DMD: variants seen among roughly 807,000 people sequenced by gnomAD.
DMD encodes mutant dystrophin.
Under a neutral mutation model 330.1 loss-of-function variants are expected in DMD, and 63 were observed. The ratio of observed to expected loss-of-function variants is 0.19; its 90% CI spans 0.16 to 0.24. The LOEUF is 0.24. DMD is among the 10% of genes least tolerant of loss of function. The probability of loss-of-function intolerance (pLI) is 1.00; values close to 1 mark genes in which losing one functional copy is unlikely to be tolerated. For missense variants in DMD, 3,344 were observed against 2,684.1 expected, an observed-to-expected ratio of 1.25 and a Z score of -5.43; for synonymous variants, 1,223 against 959.8, an observed-to-expected ratio of 1.27 and a Z score of -5.07.
intron 41 of DMD, among the ~76,000 whole-genome samples, chrX:32,337,370 G>A (rs1376221920): frequency 2.8e-5 from 3 of 108,108 alleles, no homozygotes; most frequent in East Asian, 5.8e-4. Context: ...TGCTCATTAG[G>A]CATCCAAGAT....
At chrX:31,436,585 G>A (rs2064548214) in intron 60 of DMD, among the ~76,000 whole-genome samples, 1 of 111,649 alleles carries the variant, frequency 9.0e-6, no homozygotes, top group Non-Finnish European at 1.9e-5. Flanking sequence ...GAGCAATTTC[G>A]ATAACAGTCC....
chrX:32,258,787 G>T (rs1226722075), intron 43 of DMD, among the ~76,000 whole-genome samples: 1 of 110,837 alleles, frequency 9.0e-6, no homozygotes, highest in Non-Finnish European at 1.9e-5. Context: ...CGTTCTGCAC[G>T]TGTGTCCCAG....
intron 55 of DMD, among the ~76,000 whole-genome samples, chrX:31,604,798 T>G (rs1484154320): frequency 9.0e-6 from 1 of 111,450 alleles, no homozygotes; most frequent in Non-Finnish European, 1.9e-5. Context: ...ATCATCAAGT[T>G]TGGTTCCTGT....
intron 45 of DMD, among the ~76,000 whole-genome samples, chrX:31,962,194 C>T (rs984582216): frequency 9.9e-5 from 11 of 111,308 alleles, no homozygotes; most frequent in African/African-American, 2.9e-4. Context: ...TATTGAGCTA[C>T]GTAAAACACT....
intron 59 of DMD, among the ~76,000 whole-genome samples, chrX:31,468,969 C>T (rs1053005190): frequency 9.0e-6 from 1 of 110,972 alleles, no homozygotes; most frequent in East Asian, 2.8e-4. Flanking sequence ...TCTGTTTTGT[C>T]TGAGACTAGG....
At chrX:32,716,573 G>C (rs187287023) in intron 7 of DMD, among the ~76,000 whole-genome samples, 57 of 111,309 alleles carry the variant, frequency 5.1e-4, no homozygotes, top group Non-Finnish European at 2.4e-4. Flanking sequence ...GGTACCGAGA[G>C]GTAGGGCACT....
At chrX:32,129,019 C>A (rs2096674809) in intron 44 of DMD, among the ~76,000 whole-genome samples, 1 of 111,530 alleles carries the variant, frequency 9.0e-6, no homozygotes, top group Non-Finnish European at 1.9e-5. Flanking sequence ...AATCTCAGTA[C>A]CTTAGCCAAA....
intron 5 of DMD, among the ~76,000 whole-genome samples, chrX:32,820,292 A>T (rs1470901411): frequency 9.0e-6 from 1 of 110,778 alleles, no homozygotes; most frequent in Non-Finnish European, 1.9e-5. Context: ...AATACAAAAA[A>T]TTAGCCGGGC....
At chrX:32,686,559 CA>C (rs750534167) in intron 9 of DMD, among the ~76,000 whole-genome samples, 92 of 28,573 alleles carry the variant, frequency 3.2e-3, no homozygotes, top group East Asian at 8.0e-3. Flanking sequence ...AACTCCATCT[CA>C]AAAAAAAAAA....
intron 19 of DMD, among the ~76,000 whole-genome samples, chrX:32,494,987 A>G (rs1008641144): frequency 9.0e-6 from 1 of 111,568 alleles, no homozygotes; most frequent in Non-Finnish European, 1.9e-5. Flanking sequence ...ACTAAAATAA[A>G]AATAAAAAGA....
chrX:32,699,404 A>C, intron 7 of DMD, 111 bp from the exon 8 acceptor site: 1 of 641,218 alleles, frequency 1.6e-6, no homozygotes, highest in Non-Finnish European at 2.5e-6. Context: ...TGAACAGTGA[A>C]TTGTCCATGA....
At chrX:32,854,660 A>G (rs1454449220) in intron 2 of DMD, among the ~76,000 whole-genome samples, 2 of 111,150 alleles carry the variant, frequency 1.8e-5, no homozygotes, top group Non-Finnish European at 3.8e-5. Flanking sequence ...GAAGACATGC[A>G]AAACCCGAAC....
At chrX:32,196,268 A>C (rs1216535275) in intron 44 of DMD, among the ~76,000 whole-genome samples, 1 of 112,206 alleles carries the variant, frequency 8.9e-6, no homozygotes, top group Non-Finnish European at 1.9e-5. Context: ...TGGATAATAC[A>C]TTTAAGCTTC....
chrX:31,844,139 G>A (rs765865506), intron 48 of DMD, among the ~76,000 whole-genome samples: 3 of 111,998 alleles, frequency 2.7e-5, no homozygotes, highest in East Asian at 2.8e-4. Context: ...GATTACAGGC[G>A]TGAGCCACCG....
intron 1 of DMD, among the ~76,000 whole-genome samples, chrX:33,208,319 T>A (rs2051698907): frequency 8.9e-6 from 1 of 111,909 alleles, no homozygotes; most frequent in Non-Finnish European, 1.9e-5. Flanking sequence ...AATTTTATTT[T>A]AAAATGTAAC....
At chrX:32,823,111 A>G (rs371972655) in intron 5 of DMD, among the ~76,000 whole-genome samples, 184 bp downstream of exon 5, 1 of 111,922 alleles carries the variant, frequency 8.9e-6, no homozygotes, top group South Asian at 3.7e-4. Context: ...ATGTACCAGA[A>G]CCTATTTTAT....
chrX:32,649,082 G>A (rs191914886), intron 9 of DMD, among the ~76,000 whole-genome samples: 2 of 109,746 alleles, frequency 1.8e-5, no homozygotes, highest in Admixed American at 1.9e-4. Context: ...TACGATGAGA[G>A]GCATGACAGT....
chrX:32,384,940 T>C (rs770162701), intron 33 of DMD, among the ~76,000 whole-genome samples: 49 of 111,515 alleles, frequency 4.4e-4, no homozygotes, highest in African/African-American at 1.6e-3. Flanking sequence ...CCCATATTCA[T>C]GGATTGGAAT....
intron 22 of DMD, among the ~76,000 whole-genome samples, chrX:32,471,295 G>A (rs1471156282): frequency 1.8e-5 from 2 of 111,348 alleles, no homozygotes; most frequent in East Asian, 5.6e-4. Context: ...AAATAAAGTA[G>A]GAAAAGTATT....
Sources: gnomAD v4.1 joint callset for allele counts (sites outside exome capture counted in the v4.1 genomes callset) on GRCh38, gnomAD v4.1.1 for gene constraint, MANE v1.5 for transcripts, NCBI Gene and HGNC (gene_info 2026-07-23, HGNC 2026-07-21) for gene names.